Variants in TRAK1 observed in about 807,000 individuals in gnomAD.
TRAK1 encodes the protein trafficking kinesin protein 1.
Under a neutral mutation model 92.1 loss-of-function variants are expected in TRAK1, and 33 were observed. The ratio of observed to expected loss-of-function variants is 0.36; its 90% CI spans 0.27 to 0.48. The LOEUF is 0.48. TRAK1 is among the 20% of genes least tolerant of loss of function. The probability of loss-of-function intolerance (pLI) is 0.99; values close to 1 mark genes in which losing one functional copy is unlikely to be tolerated. For synonymous variants in TRAK1, 521 were observed against 517.3 expected (o/e 1.01, Z -0.10); for missense variants, 1,123 against 1,257.9 (o/e 0.89, Z 1.62).
chr3:42,058,488 C>T (rs924121934), intron 1 of TRAK1, among the ~76,000 whole-genome samples: 1 of 152,176 alleles, frequency 6.6e-6, no homozygotes, highest in Non-Finnish European at 1.5e-5. Flanking sequence ...CAGGCGCCCC[C>T]GCCACAACGC....
rs140610681 is a variant in TRAK1 at position 42,104,054 on chromosome 3, C to T, written c.91+12494C>T. 1.8e-3 allele frequency among the ~76,000 whole-genome samples: 268 copies of T among 152,310 alleles called. 2 individuals carry two copies. Among genetic ancestry groups the T allele is most frequent in the Middle Eastern group, 0.014 (4 of 294 alleles). On this transcript the variant is annotated intron_variant, in intron 1 of 15. Coordinates refer to ENST00000327628, the MANE Select transcript of TRAK1 (RefSeq NM_001042646.3). ...CCTGGCTTGGAGGGTCCCACGCCCA[C>T]GGAACCTCACTCACTGCTAGCACAG...
intron 1 of TRAK1, among the ~76,000 whole-genome samples, chr3:42,030,023 G>C (rs1405900425): frequency 6.6e-6 from 1 of 152,034 alleles, no homozygotes; most frequent in African/African-American, 2.4e-5. Context: ...CTGTGGGGTA[G>C]AGGGACAGGA....
At chr3:42,102,873 T>A (rs1485080717) in intron 1 of TRAK1, among the ~76,000 whole-genome samples, 1 of 152,068 alleles carries the variant, frequency 6.6e-6, no homozygotes, top group Non-Finnish European at 1.5e-5. Flanking sequence ...TAGGAAGAGT[T>A]CTCTGCTTCC....
chr3:42,026,443 A>G (rs1377115713), intron 1 of TRAK1, among the ~76,000 whole-genome samples: 1 of 151,216 alleles, frequency 6.6e-6, no homozygotes, highest in Non-Finnish European at 1.5e-5. Flanking sequence ...TTACATACCA[A>G]TTTGTGTGTT....
chr3:42,103,799 C>T (rs1256478363), intron 1 of TRAK1, among the ~76,000 whole-genome samples: 1 of 152,154 alleles, frequency 6.6e-6, no homozygotes, highest in African/African-American at 2.4e-5. Context: ...TCTTCATTTC[C>T]AACTGAGGTA....
intron 14 of TRAK1, chr3:42,212,393 A>G (rs1377943482): frequency 2.0e-6 from 2 of 985,338 alleles, no homozygotes; most frequent in African/African-American, 1.7e-5. Flanking sequence ...TGCAGCTGGT[A>G]TGATAGAAGG....
At position 42,219,576 on chromosome 3, in the gene TRAK1, G is replaced by A; in HGVS notation, c.2046G>A (p.Glu682=). The A allele has an allele frequency of 6.2e-7, 1 of 1,610,936 alleles. No homozygotes were observed. Among genetic ancestry groups the A allele is most frequent in the Non-Finnish European group, 8.5e-7 (1 of 1,178,634 alleles). ...GTCGCATCCTGCATCCTTCAGATGA[G>A]CTCACTCGGGTCACACCAAGGTAAG... ...TTCRILHPSD[E]LTRVTPSLNS... The change falls in exon 15 of 16, where the codon GAG becomes GAA. Residue 682 remains glutamate (E), a synonymous_variant. Transcript: ENST00000327628.
intron 1 of TRAK1, among the ~76,000 whole-genome samples, chr3:42,098,785 C>A (rs927679448): frequency 1.3e-5 from 2 of 152,180 alleles, no homozygotes; most frequent in African/African-American, 2.4e-5. Flanking sequence ...CCACAGTGTA[C>A]CCCTTGGAGC....
upstream of TRAK1, among the ~76,000 whole-genome samples, chr3:42,082,383 G>A (rs1704478607): frequency 6.6e-6 from 1 of 152,090 alleles, no homozygotes; most frequent in Non-Finnish European, 1.5e-5. Context: ...TGGATCACTT[G>A]AGGCCAGGAG....
At chr3:42,100,702 T>C (rs1251493952) in intron 1 of TRAK1, among the ~76,000 whole-genome samples, 1 of 152,248 alleles carries the variant, frequency 6.6e-6, no homozygotes, top group African/African-American at 2.4e-5. Flanking sequence ...GTTTTGTTCT[T>C]GTTGCCCAGG....
intron 6 of TRAK1, among the ~76,000 whole-genome samples, chr3:42,189,654 C>T (rs993133691): frequency 3.9e-5 from 6 of 152,092 alleles, no homozygotes; most frequent in Non-Finnish European, 8.8e-5. Flanking sequence ...TCTTAGCCTC[C>T]TGAGTAGCTG....
At chr3:42,111,835 G>A (rs1448808667) in intron 1 of TRAK1, among the ~76,000 whole-genome samples, 1 of 151,774 alleles carries the variant, frequency 6.6e-6, no homozygotes, top group Non-Finnish European at 1.5e-5. Context: ...GACAAAATTT[G>A]ATGCCTTATA....
intron 1 of TRAK1, among the ~76,000 whole-genome samples, chr3:42,102,646 T>C (rs530871829): frequency 6.6e-5 from 10 of 152,322 alleles, no homozygotes; most frequent in Non-Finnish European, 2.9e-5. Context: ...GGGGCTGTGT[T>C]CCCTATTTGT....
chr3:42,079,672 GGTT>G (rs1704342004), intron 1 of TRAK1, among the ~76,000 whole-genome samples: 1 of 151,814 alleles, frequency 6.6e-6, no homozygotes, highest in South Asian at 2.1e-4. Flanking sequence ...GTAGAGATGG[GGTT>G]TTGCCATGTA....
chr3:42,022,369 G>C (rs1201726360), intron 1 of TRAK1, among the ~76,000 whole-genome samples: 1 of 152,170 alleles, frequency 6.6e-6, no homozygotes, highest in East Asian at 1.9e-4. Context: ...AGACTAAAAC[G>C]TTGACTGCTG....
chr3:42,100,794 G>T (rs1401003629), intron 1 of TRAK1, among the ~76,000 whole-genome samples: 1 of 152,106 alleles, frequency 6.6e-6, no homozygotes, highest in African/African-American at 2.4e-5. Context: ...AGCCTCCCCA[G>T]TAGCTGGGAT....
chr3:42,216,576 T>G lies in TRAK1; in HGVS notation c.1964-2918T>G, dbSNP rs977069520. On this transcript the variant is annotated intron_variant, in intron 14 of 15. Transcript: ENST00000327628. ...GATGTGTGCTTGCATGTGGTGTGTT[T>G]TAAGAACAAAACATCTGCACGACAG... Among the ~76,000 whole-genome samples, 14 of 152,162 alleles carry G rather than the reference T, an allele frequency of 9.2e-5. 1 individual carries two copies. The highest frequency in any genetic ancestry group is 7.2e-4 in the Admixed American group (11 of 15,274).
chr3:42,132,117 T>C (rs1697283676), intron 2 of TRAK1, among the ~76,000 whole-genome samples: 1 of 152,128 alleles, frequency 6.6e-6, no homozygotes, highest in South Asian at 2.1e-4. Flanking sequence ...CCCCTGCAGA[T>C]ACCAAAATCC....
At chr3:42,099,564 C>T (rs550000272) in intron 1 of TRAK1, among the ~76,000 whole-genome samples, 1 of 152,282 alleles carries the variant, frequency 6.6e-6, no homozygotes, top group South Asian at 2.1e-4. Flanking sequence ...GTGAGCTAAG[C>T]CTGTGGGCAG....
Sources: gnomAD v4.1 joint callset for allele counts (sites outside exome capture counted in the v4.1 genomes callset) on GRCh38, gnomAD v4.1.1 for gene constraint, MANE v1.5 for transcripts, NCBI Gene and HGNC (gene_info 2026-07-23, HGNC 2026-07-21) for gene names.